The following TMEM135 variants were observed in gnomAD, a reference collection of about 807,000 sequenced individuals.
The protein encoded by TMEM135 is transmembrane protein 135.
Under a neutral mutation model 60.3 loss-of-function variants are expected in TMEM135, and 30 were observed. That is an observed-to-expected ratio of 0.50 (90% CI 0.37 to 0.68). TMEM135 has a LOEUF of 0.68. Ranked by LOEUF, TMEM135 falls within the 30% of genes least tolerant of loss-of-function variation. The pLI is 0.00. For synonymous variants in TMEM135, 190 were observed against 186.7 expected (o/e 1.02, Z -0.14); for missense variants, 468 against 548.8 (o/e 0.85, Z 1.47).
intron 5 of TMEM135, among the ~76,000 whole-genome samples, chr11:87,169,352 A>G (rs1385606632): frequency 1.3e-5 from 2 of 150,636 alleles, no homozygotes; most frequent in Admixed American, 6.6e-5. Flanking sequence ...TTATGATGCT[A>G]GCTGGTTATT....
At chr11:87,170,817 T>C (rs1298368809) in intron 5 of TMEM135, among the ~76,000 whole-genome samples, 1 of 152,160 alleles carries the variant, frequency 6.6e-6, no homozygotes, top group South Asian at 2.1e-4. Context: ...GCTCCAGTGC[T>C]GTGCTGGGCG....
chr11:87,322,585 A>T lies in TMEM135; in HGVS notation c.*1252A>T, dbSNP rs763822666. 2.2e-6 allele frequency: 1 copy of T among 454,016 alleles called. No individual in the cohort carries two copies. Among genetic ancestry groups the T allele is most frequent in the Non-Finnish European group, 4.4e-6 (1 of 226,716 alleles). 28.1% of individuals were successfully genotyped at this position (454,016 alleles called of 1,614,324 possible). ...TCTACAGTTAATGTGACATGTAGGG[A>T]TGATGATATTTTTAAAATACATTTT... On this transcript the variant is annotated 3_prime_UTR_variant, in exon 15 of 15. Transcript: ENST00000305494.
At chr11:87,197,161 T>C (rs1036261537) in intron 5 of TMEM135, among the ~76,000 whole-genome samples, 2 of 152,118 alleles carry the variant, frequency 1.3e-5, no homozygotes, top group African/African-American at 2.4e-5. Context: ...ATTCAGAGTA[T>C]AACAAATATT....
chr11:87,039,331 G>T (rs1322999813), intron 1 of TMEM135, among the ~76,000 whole-genome samples: 2 of 152,112 alleles, frequency 1.3e-5, no homozygotes, highest in Non-Finnish European at 2.9e-5. Flanking sequence ...AATCCTCTGA[G>T]GATTATGTTA....
intron 4 of TMEM135, among the ~76,000 whole-genome samples, chr11:87,127,489 A>G (rs1251143246): frequency 6.6e-6 from 1 of 152,180 alleles, no homozygotes; most frequent in Non-Finnish European, 1.5e-5. Flanking sequence ...TCTTTCTCCC[A>G]TTCTAAGTTA....
chr11:87,238,457 GTCA>G (rs1422430464), intron 6 of TMEM135, among the ~76,000 whole-genome samples: 2 of 152,142 alleles, frequency 1.3e-5, no homozygotes, highest in African/African-American at 4.8e-5. Context: ...TTTTGTATCA[GTCA>G]TTGGGATGCA....
chr11:87,180,847 GC>G (rs1229300890), intron 5 of TMEM135, among the ~76,000 whole-genome samples: 5 of 152,166 alleles, frequency 3.3e-5, no homozygotes, highest in African/African-American at 1.2e-4. Flanking sequence ...AAAGCCTTTA[GC>G]ATGACCAAGA....
At chr11:87,047,030 C>A (rs1949802331) in intron 1 of TMEM135, among the ~76,000 whole-genome samples, 1 of 152,098 alleles carries the variant, frequency 6.6e-6, no homozygotes, top group Non-Finnish European at 1.5e-5. Flanking sequence ...TTTTGTTATT[C>A]CTCTGCCCAT....
Position 87,314,560 on chromosome 11 carries a change from T to G in TMEM135, c.1077+13T>G. On this transcript the variant is annotated intron_variant, in intron 12 of 14. Coordinates refer to ENST00000305494, the MANE Select transcript of TMEM135 (RefSeq NM_022918.4). ...CAAATTGGTAGAGGTAAGCGAAATT[T>G]TTGTGCAAGAATAGTTCCAAAGAAC... 1 of 1,607,164 alleles carries G rather than the reference T, an allele frequency of 6.2e-7. No homozygotes were observed. The highest frequency in any genetic ancestry group is 8.5e-7 in the Non-Finnish European group (1 of 1,174,718).
At chr11:87,060,094 C>T (rs1422055857) in intron 1 of TMEM135, among the ~76,000 whole-genome samples, 1 of 151,878 alleles carries the variant, frequency 6.6e-6, no homozygotes, top group Non-Finnish European at 1.5e-5. Flanking sequence ...GCCTTGGCAA[C>T]AGAGCATGAC....
chr11:87,179,545 G>C (rs1293751444), intron 5 of TMEM135, among the ~76,000 whole-genome samples: 1 of 151,960 alleles, frequency 6.6e-6, no homozygotes, highest in Non-Finnish European at 1.5e-5. Context: ...GAGATACTCT[G>C]GTTTCTCTTC....
chr11:87,104,694 T>C (rs1378569397), intron 4 of TMEM135, among the ~76,000 whole-genome samples: 1 of 152,174 alleles, frequency 6.6e-6, no homozygotes, highest in Non-Finnish European at 1.5e-5. Flanking sequence ...GTAAATGGGA[T>C]TTTTTTCTTA....
intron 4 of TMEM135, among the ~76,000 whole-genome samples, chr11:87,099,177 A>T (rs1857397491): frequency 6.6e-6 from 1 of 152,172 alleles, no homozygotes; most frequent in African/African-American, 2.4e-5. Context: ...GCGTATTCAT[A>T]CACTTATTTG....
intron 4 of TMEM135, among the ~76,000 whole-genome samples, chr11:87,155,524 A>G (rs1331440265): frequency 6.6e-6 from 1 of 152,186 alleles, no homozygotes; most frequent in Non-Finnish European, 1.5e-5. Context: ...TCCATTGCCC[A>G]ATGTGTGCAG....
At chr11:87,136,433 C>A (rs1235582107) in intron 4 of TMEM135, among the ~76,000 whole-genome samples, 1 of 151,978 alleles carries the variant, frequency 6.6e-6, no homozygotes, top group Non-Finnish European at 1.5e-5. Flanking sequence ...TATAACTATG[C>A]CCGTGGGGGA....
chr11:87,138,671 A>T (rs1179835932), intron 4 of TMEM135, among the ~76,000 whole-genome samples: 1 of 152,194 alleles, frequency 6.6e-6, no homozygotes, highest in Non-Finnish European at 1.5e-5. Context: ...GTAAATGAAT[A>T]ATTAGTTACT....
At chr11:87,137,661 A>C (rs1297392409) in intron 4 of TMEM135, among the ~76,000 whole-genome samples, 1 of 136,488 alleles carries the variant, frequency 7.3e-6, no homozygotes, top group Non-Finnish European at 1.6e-5. Context: ...TATAACTCTA[A>C]ATCTCAGCAT....
intron 5 of TMEM135, among the ~76,000 whole-genome samples, chr11:87,206,044 G>A (rs138870310): frequency 1.6e-3 from 242 of 152,154 alleles, no homozygotes; most frequent in African/African-American, 5.7e-3. Flanking sequence ...GTCTATCTGC[G>A]CTAGTGGTTG....
intron 4 of TMEM135, among the ~76,000 whole-genome samples, chr11:87,123,091 CAT>C (rs1229388453): frequency 6.6e-6 from 1 of 152,194 alleles, no homozygotes; most frequent in African/African-American, 2.4e-5. Flanking sequence ...AATTTGGTAT[CAT>C]ATTATTTTCA....
Sources: allele counts gnomAD v4.1 joint callset (sites outside exome capture counted in the v4.1 genomes callset), GRCh38; gene constraint gnomAD v4.1.1; transcripts MANE v1.5; gene names NCBI Gene and HGNC (gene_info 2026-07-23, HGNC 2026-07-21).